NAALADL2: variants seen among roughly 807,000 people sequenced by gnomAD.
The protein encoded by NAALADL2 is N-acetylated alpha-linked acidic dipeptidase like 2, also known as inactive N-acetylated-alpha-linked acidic dipeptidase-like protein 2.
A neutral mutation model predicts 87.2 loss-of-function variants in NAALADL2; 76 were observed. That is an observed-to-expected ratio of 0.87 (90% CI 0.72 to 1.05). The LOEUF (loss-of-function observed/expected upper bound fraction) is 1.05, where lower values mean the gene tolerates loss of function less well. Ranked by LOEUF, NAALADL2 falls within the 50% of genes least tolerant of loss-of-function variation. The probability of loss-of-function intolerance (pLI) is 0.00; values close to 1 mark genes in which losing one functional copy is unlikely to be tolerated. For synonymous variants in NAALADL2, 354 were observed against 331.0 expected, an observed-to-expected ratio of 1.07 and a Z score of -0.75; for missense variants, 1,089 against 945.8, an observed-to-expected ratio of 1.15 and a Z score of -1.99.
At chr3:174,874,042 G>GT (rs1277257690) in intron 1 of NAALADL2, among the ~76,000 whole-genome samples, 1 of 152,046 alleles carries the variant, frequency 6.6e-6, no homozygotes, top group Admixed American at 6.5e-5. Context: ...CTGGAGTGCT[G>GT]TTTTTCCTGG....
At chr3:175,263,505 T>C (rs1484540830) in intron 4 of NAALADL2, among the ~76,000 whole-genome samples, 1 of 151,870 alleles carries the variant, frequency 6.6e-6, no homozygotes, top group Non-Finnish European at 1.5e-5. Context: ...GAAAATATAA[T>C]TTAATTGTAC....
At chr3:174,546,960 A>G (rs927865095) in intron 1 of NAALADL2, among the ~76,000 whole-genome samples, 2 of 151,914 alleles carry the variant, frequency 1.3e-5, no homozygotes, top group African/African-American at 4.8e-5. Flanking sequence ...GAAATTTCCC[A>G]GTTCTTATTT....
At chr3:175,267,558 A>G (rs986506122) in intron 4 of NAALADL2, among the ~76,000 whole-genome samples, 3 of 152,082 alleles carry the variant, frequency 2.0e-5, no homozygotes, top group African/African-American at 7.2e-5. Context: ...TTTCTTTTTA[A>G]AAAGACAGTT....
intron 9 of NAALADL2, among the ~76,000 whole-genome samples, chr3:175,560,196 C>G (rs1716041978): frequency 6.6e-6 from 1 of 152,084 alleles, no homozygotes; most frequent in African/African-American, 2.4e-5. Flanking sequence ...ATTCACTTCT[C>G]CTAGATTTCC....
chr3:175,447,812 G>A (rs574535077), intron 6 of NAALADL2, among the ~76,000 whole-genome samples: 4 of 152,108 alleles, frequency 2.6e-5, no homozygotes, highest in Non-Finnish European at 5.9e-5. Flanking sequence ...CTGTCTATGC[G>A]CATCATCGCC....
At chr3:175,639,717 A>G (rs916630256) in intron 11 of NAALADL2, among the ~76,000 whole-genome samples, 1 of 152,196 alleles carries the variant, frequency 6.6e-6, no homozygotes, top group South Asian at 2.1e-4. Flanking sequence ...TTTTAAAAAA[A>G]TCACTTACTG....
chr3:174,525,467 C>A (rs1384762248), intron 1 of NAALADL2, among the ~76,000 whole-genome samples: 4 of 152,228 alleles, frequency 2.6e-5, no homozygotes, highest in East Asian at 3.9e-4. Flanking sequence ...ACAACCAGAT[C>A]TTGTGTGAAC....
intron 11 of NAALADL2, among the ~76,000 whole-genome samples, chr3:175,644,829 C>T (rs1048095548): frequency 2.6e-5 from 4 of 152,092 alleles, no homozygotes; most frequent in African/African-American, 4.8e-5. Context: ...TAAATACTTG[C>T]TTGATCCAGT....
At chr3:175,241,361 C>T (rs1746840906) in intron 3 of NAALADL2, among the ~76,000 whole-genome samples, 1 of 152,140 alleles carries the variant, frequency 6.6e-6, no homozygotes, top group African/African-American at 2.4e-5. Flanking sequence ...ACTAGGACTA[C>T]AGGCATGTGC....
intron 1 of NAALADL2, among the ~76,000 whole-genome samples, chr3:175,070,745 T>A (rs1240287976): frequency 6.6e-6 from 1 of 152,056 alleles, no homozygotes; most frequent in Non-Finnish European, 1.5e-5. Flanking sequence ...TTGAATGAAT[T>A]GCTTTGGATG....
At chr3:174,601,755 G>T (rs1361895201) in intron 2 of NAALADL2, among the ~76,000 whole-genome samples, 2 of 152,022 alleles carry the variant, frequency 1.3e-5, no homozygotes, top group African/African-American at 2.4e-5. Context: ...CCAATGTTTT[G>T]TTGTAGTAGT....
intron 5 of NAALADL2, among the ~76,000 whole-genome samples, chr3:175,389,515 T>C (rs1768822593): frequency 6.6e-6 from 1 of 152,202 alleles, no homozygotes; most frequent in Admixed American, 6.5e-5. Flanking sequence ...CTTGAATTAA[T>C]CTACTGTGTT....
intron 1 of NAALADL2, among the ~76,000 whole-genome samples, chr3:174,477,296 T>C (rs970293659): frequency 5.9e-5 from 9 of 152,166 alleles, no homozygotes; most frequent in African/African-American, 2.2e-4. Flanking sequence ...TTCCTAGTCC[T>C]GAGTTCTTTC....
intron 1 of NAALADL2, among the ~76,000 whole-genome samples, chr3:175,063,143 A>G (rs911012013): frequency 1.3e-5 from 2 of 152,126 alleles, no homozygotes; most frequent in Non-Finnish European, 2.9e-5. Context: ...CAGGAAAAGG[A>G]GACAAAATAA....
intron 3 of NAALADL2, among the ~76,000 whole-genome samples, chr3:174,773,113 A>G (rs1292374442): frequency 2.0e-5 from 3 of 152,140 alleles, no homozygotes; most frequent in Non-Finnish European, 4.4e-5. Context: ...GATAATTACA[A>G]AAGAGAAGGA....
intron 2 of NAALADL2, among the ~76,000 whole-genome samples, chr3:175,175,390 A>G (rs1244523562): frequency 6.6e-6 from 1 of 151,976 alleles, no homozygotes; most frequent in Non-Finnish European, 1.5e-5. Context: ...TTGTGGCCCC[A>G]TGTAGTCTAT....
At chr3:175,398,516 TAGAG>T (rs1477013872) in intron 5 of NAALADL2, among the ~76,000 whole-genome samples, 1 of 151,222 alleles carries the variant, frequency 6.6e-6, no homozygotes, top group Non-Finnish European at 1.5e-5. Context: ...AAGTTACTCT[TAGAG>T]AGACCACTAA....
intron 1 of NAALADL2, among the ~76,000 whole-genome samples, chr3:174,464,590 A>G (rs892370319): frequency 2.0e-5 from 3 of 151,988 alleles, no homozygotes; most frequent in African/African-American, 7.2e-5. Context: ...TAAGGTTGTT[A>G]TAATTATGTT....
intron 2 of NAALADL2, among the ~76,000 whole-genome samples, chr3:175,185,506 A>G (rs1207535361): frequency 6.6e-6 from 1 of 151,984 alleles, no homozygotes; most frequent in African/African-American, 2.4e-5. Flanking sequence ...ATGCATCATG[A>G]TGTATTTATA....
Sources: gnomAD v4.1 joint callset for allele counts (sites outside exome capture counted in the v4.1 genomes callset) on GRCh38, gnomAD v4.1.1 for gene constraint, MANE v1.5 for transcripts, NCBI Gene and HGNC (gene_info 2026-07-23, HGNC 2026-07-21) for gene names.